The following IL15 variants were observed in gnomAD, a reference collection of about 807,000 sequenced individuals.
The protein encoded by IL15 is interleukin-15.
A neutral mutation model predicts 19.6 loss-of-function variants in IL15; 11 were observed. The observed-to-expected ratio is 0.56, with a 90% confidence interval of 0.35 to 0.93. The LOEUF is 0.93. Among genes scored for constraint, IL15 ranks in the 40% least tolerant of loss-of-function variants. The pLI is 0.01. For synonymous variants in IL15, 58 were observed against 59.6 expected, an observed-to-expected ratio of 0.97 and a Z score of 0.12; for missense variants, 197 against 186.5, an observed-to-expected ratio of 1.06 and a Z score of -0.33.
chr4:141,668,405 G>A (rs868652267), intron 2 of IL15, among the ~76,000 whole-genome samples: 1 of 152,196 alleles, frequency 6.6e-6, no homozygotes, highest in Non-Finnish European at 1.5e-5. Flanking sequence ...GTGGGTTTTG[G>A]CAGAAACTTC....
chr4:141,692,232 C>T (rs763994096), intron 2 of IL15, among the ~76,000 whole-genome samples: 2 of 152,210 alleles, frequency 1.3e-5, no homozygotes, highest in African/African-American at 2.4e-5. Flanking sequence ...AGGAGTTGGG[C>T]CCTGGGCCTG....
chr4:141,679,902 C>G (rs1249768208), intron 2 of IL15, among the ~76,000 whole-genome samples: 2 of 152,174 alleles, frequency 1.3e-5, no homozygotes, highest in African/African-American at 2.4e-5. Context: ...TGAGCTATAA[C>G]TTCTCTTCCT....
At chr4:141,720,649 T>A in intron 4 of IL15, 83 bp downstream of exon 4, 1 of 838,878 alleles carries the variant, frequency 1.2e-6, no homozygotes, top group Non-Finnish European at 2.1e-6. Flanking sequence ...TAAATTAGTT[T>A]ACGTTCAGTT....
At chr4:141,718,891 A>C (rs1258855581) in intron 2 of IL15, 2 of 152,156 alleles carry the variant, frequency 1.3e-5, no homozygotes, top group Non-Finnish European at 2.9e-5. Flanking sequence ...TTTGAGTGAG[A>C]AAAAATAAAA....
intron 2 of IL15, among the ~76,000 whole-genome samples, chr4:141,672,857 T>G (rs1215128676): frequency 1.3e-5 from 2 of 152,206 alleles, no homozygotes; most frequent in Non-Finnish European, 2.9e-5. Flanking sequence ...CCCTCTCAGG[T>G]TGAAGCGCAC....
intron 2 of IL15, among the ~76,000 whole-genome samples, chr4:141,685,400 G>A (rs974813028): frequency 1.3e-5 from 2 of 152,274 alleles, no homozygotes; most frequent in East Asian, 3.9e-4. Flanking sequence ...AGTCATAAAA[G>A]AGCAACAAAC....
intron 2 of IL15, among the ~76,000 whole-genome samples, chr4:141,694,941 C>A (rs1408554540): frequency 6.6e-6 from 1 of 152,134 alleles, no homozygotes; most frequent in Non-Finnish European, 1.5e-5. Context: ...ATCAGCAAAT[C>A]CTACACCATC....
At chr4:141,641,719 A>T (rs906933816) in intron 1 of IL15, among the ~76,000 whole-genome samples, 3 of 150,720 alleles carry the variant, frequency 2.0e-5, no homozygotes, top group Non-Finnish European at 4.4e-5. Flanking sequence ...GAGGGATAGC[A>T]TTAGGAGATA....
intron 2 of IL15, among the ~76,000 whole-genome samples, chr4:141,680,901 A>G (rs960440471): frequency 3.9e-5 from 6 of 152,206 alleles, no homozygotes; most frequent in Non-Finnish European, 8.8e-5. Context: ...GGAGTCCTCA[A>G]TAAATATTAA....
chr4:141,697,156 G>C (rs956021995), intron 2 of IL15, among the ~76,000 whole-genome samples: 2 of 152,046 alleles, frequency 1.3e-5, no homozygotes, highest in African/African-American at 4.8e-5. Context: ...TTAGATTTAA[G>C]TCTTTGATCC....
intron 1 of IL15, among the ~76,000 whole-genome samples, chr4:141,640,521 TG>T (rs1001683726): frequency 7.2e-5 from 11 of 152,292 alleles, no homozygotes; most frequent in African/African-American, 2.6e-4. Context: ...CCATTTGGGG[TG>T]ATTTAATGCT....
At chr4:141,680,368 A>G (rs1579013323) in intron 2 of IL15, among the ~76,000 whole-genome samples, 1 of 152,238 alleles carries the variant, frequency 6.6e-6, no homozygotes, top group East Asian at 1.9e-4. Context: ...TATGCACTTC[A>G]TTCTACTGAA....
chr4:141,643,474 G>A (rs538690021), intron 1 of IL15, among the ~76,000 whole-genome samples: 2 of 152,210 alleles, frequency 1.3e-5, no homozygotes, highest in South Asian at 2.1e-4. Flanking sequence ...AAGGTACCAC[G>A]AACATCCCTT....
At chr4:141,729,524 C>G (rs1730380187) in intron 6 of IL15, among the ~76,000 whole-genome samples, 1 of 152,128 alleles carries the variant, frequency 6.6e-6, no homozygotes, top group Non-Finnish European at 1.5e-5. Context: ...TTGATGTTTT[C>G]AGACTCTAAG....
At chr4:141,668,508 T>C (rs143080481) in intron 2 of IL15, among the ~76,000 whole-genome samples, 1 of 152,326 alleles carries the variant, frequency 6.6e-6, no homozygotes, top group East Asian at 1.9e-4. Context: ...TTTGGTCGTT[T>C]CTTGAGTGAG....
At chr4:141,688,077 A>G (rs1359698917) in intron 2 of IL15, among the ~76,000 whole-genome samples, 1 of 152,094 alleles carries the variant, frequency 6.6e-6, no homozygotes, top group African/African-American at 2.4e-5. Flanking sequence ...GCTTACACCC[A>G]GCGTTTCTTT....
chr4:141,691,164 C>T (rs1579024139), intron 2 of IL15, among the ~76,000 whole-genome samples: 1 of 15,514 alleles, frequency 6.4e-5, no homozygotes, highest in East Asian at 9.1e-3. Flanking sequence ...GCAGGAGAAA[C>T]TGCCAATTTT....
intron 5 of IL15, among the ~76,000 whole-genome samples, chr4:141,722,861 C>A (rs1357502416): frequency 6.6e-6 from 1 of 151,914 alleles, no homozygotes; most frequent in African/African-American, 2.4e-5. Flanking sequence ...AATTATATAA[C>A]TGAAAATATA....
At chr4:141,694,093 G>A (rs1171292262) in intron 2 of IL15, among the ~76,000 whole-genome samples, 1 of 152,218 alleles carries the variant, frequency 6.6e-6, no homozygotes, top group East Asian at 1.9e-4. Context: ...TTTACCTTAG[G>A]TAGTGGCACA....
Sources: allele counts gnomAD v4.1 joint callset (sites outside exome capture counted in the v4.1 genomes callset), GRCh38; gene constraint gnomAD v4.1.1; transcripts MANE v1.5; gene names NCBI Gene and HGNC (gene_info 2026-07-23, HGNC 2026-07-21).